ATP7B: variants seen among roughly 807,000 people sequenced by gnomAD.
ATP7B encodes ATPase copper transporting beta.
A neutral mutation model predicts 118.9 loss-of-function variants in ATP7B; 113 were observed. The observed-to-expected ratio is 0.95, with a 90% confidence interval of 0.82 to 1.11. ATP7B has a LOEUF of 1.11. Among genes scored for constraint, ATP7B ranks in the 50% most tolerant of loss-of-function variants. The pLI is 0.00. For synonymous variants in ATP7B, 777 were observed against 727.4 expected, an observed-to-expected ratio of 1.07 and a Z score of -1.10; for missense variants, 1,867 against 1,871.4, an observed-to-expected ratio of 1.00 and a Z score of 0.04.
chr13:51,968,985 T>C (rs1413495434), intron 3 of ATP7B, among the ~76,000 whole-genome samples: 1 of 151,202 alleles, frequency 6.6e-6, no homozygotes, highest in African/African-American at 2.4e-5. Context: ...CTCAGCCTCC[T>C]GAGTAGCTGG....
chr13:51,934,606 G>T lies in ATP7B; in HGVS notation c.*150C>A. On this transcript the variant is annotated 3_prime_UTR_variant, in exon 21 of 21. Transcript: ENST00000242839. Reference sequence around the variant, plus strand: ...AGCCCAGCTGCACCCAGACAAGGCCGCGTGCTGCAGGGCAGGATGACTGGA... The same window carrying T: ...AGCCCAGCTGCACCCAGACAAGGCCTCGTGCTGCAGGGCAGGATGACTGGA... The T allele has an allele frequency of 6.9e-6, 9 of 1,301,726 alleles. No homozygotes were observed. The highest frequency in any genetic ancestry group is 9.6e-6 in the Non-Finnish European group (9 of 938,430). The allele number at this position is 1,301,726 out of a possible 1,614,324, so 80.6% of individuals were successfully genotyped here.
chr13:51,964,453 A>T (rs1278506924), intron 5 of ATP7B, among the ~76,000 whole-genome samples: 1 of 152,202 alleles, frequency 6.6e-6, no homozygotes, highest in Non-Finnish European at 1.5e-5. Flanking sequence ...TCTCCACAAC[A>T]AGAGTGGCCT....
chr13:51,962,361 G>C (rs993516978), intron 5 of ATP7B, among the ~76,000 whole-genome samples: 2 of 152,204 alleles, frequency 1.3e-5, no homozygotes, highest in Admixed American at 6.5e-5. Context: ...GGCTCCTTCA[G>C]CATTTGGAAG....
chr13:51,935,455 C>A, intron 20 of ATP7B, 138 bp downstream of exon 20: 2 of 943,366 alleles, frequency 2.1e-6, no homozygotes, highest in Non-Finnish European at 1.7e-6. Context: ...GCACACCAGG[C>A]TCCATGTGGG....
intron 1 of ATP7B, among the ~76,000 whole-genome samples, chr13:52,000,919 C>T (rs1267289480): frequency 6.6e-6 from 1 of 152,160 alleles, no homozygotes; most frequent in Non-Finnish European, 1.5e-5. Flanking sequence ...ACTCAGAAGG[C>T]TGAGGTGGGA....
chr13:51,982,000 T>C (rs546256782), intron 1 of ATP7B, among the ~76,000 whole-genome samples: 1 of 139,686 alleles, frequency 7.2e-6, no homozygotes, highest in East Asian at 2.2e-4. Context: ...TTTTTTTGGG[T>C]GTGAATTTTT....
chr13:51,934,959 G>A lies in ATP7B; in HGVS notation c.4195C>T (p.Gln1399Ter), dbSNP rs2138407151. The change falls in exon 21 of 21, where the codon CAG (glutamine) becomes TAG (stop). Residue 1399 changes from glutamine to a stop codon, truncating the protein, a stop_gained. Coordinates refer to ENST00000242839, the MANE Select transcript of ATP7B (RefSeq NM_000053.4). LOFTEE classifies it high-confidence loss of function. ...TCCATGCCTATGTGCACACTGACCT[G>A]GGATGCCGTCAGGGGCTTCATGTGG... is the stretch of plus-strand genomic sequence containing the variant. ...HGHMKPLTAS[Q>*]VSVHIGMDDR... is the part of the protein sequence containing the mutation. The A allele has an allele frequency of 6.2e-7, 1 of 1,614,076 alleles. No individual in the cohort carries two copies. The highest frequency in any genetic ancestry group is 1.7e-5 in the Admixed American group (1 of 60,030).
At chr13:51,935,077 C>T (rs1566431810) in intron 20 of ATP7B, 48 bp from the exon 21 acceptor site, 1 of 1,264,540 alleles carries the variant, frequency 7.9e-7, no homozygotes, top group East Asian at 2.9e-5. Context: ...AGAAACAAGG[C>T]TTTTTTTTTT....
At chr13:51,983,912 C>A (rs375660701) in intron 1 of ATP7B, among the ~76,000 whole-genome samples, 3 of 152,164 alleles carry the variant, frequency 2.0e-5, no homozygotes, top group East Asian at 3.9e-4. Flanking sequence ...CGAAGGTCAC[C>A]AACATCAAAA....
In ATP7B at chr13:51,937,139, GA is replaced by G. The variant is rs57778802; in HGVS notation, c.4021+136del. 46,566 of 609,276 alleles carry G rather than the reference GA, an allele frequency of 0.076. 84 individuals carry two copies. Among genetic ancestry groups the G allele is most frequent in the African/African-American group, 0.085 (4,249 of 49,792 alleles). The allele number at this position is 609,276 out of a possible 1,614,324, so 37.7% of individuals were successfully genotyped here. On this transcript the variant is annotated intron_variant, in intron 19 of 20. Transcript: ENST00000242839. Reference sequence around the variant, plus strand: ...TAAAGACATATAAAGCAGGGGACATGAAAAAAAAAAAAAAACAGCCTTTCTA... The same window carrying G: ...TAAAGACATATAAAGCAGGGGACATGAAAAAAAAAAAAAACAGCCTTTCTA...
At chr13:51,997,060 T>A (rs750979393) in intron 1 of ATP7B, among the ~76,000 whole-genome samples, 6 of 152,224 alleles carry the variant, frequency 3.9e-5, no homozygotes, top group Non-Finnish European at 8.8e-5. Flanking sequence ...TGGGAGCCCA[T>A]GTAAATACAT....
intron 6 of ATP7B, among the ~76,000 whole-genome samples, chr13:51,960,577 G>T (rs1464093912): frequency 6.6e-6 from 1 of 152,118 alleles, no homozygotes; most frequent in Admixed American, 6.5e-5. Context: ...ACATACTGTG[G>T]TTACCTCCAA....
chr13:51,934,957 C>T lies in ATP7B; in HGVS notation c.4197G>A (p.Gln1399=). 1.2e-6 allele frequency: 2 copies of T among 1,614,098 alleles called. No homozygotes were observed. The highest frequency in any genetic ancestry group is 1.7e-6 in the Non-Finnish European group (2 of 1,180,044). Reference sequence around the variant, plus strand: ...CATCCATGCCTATGTGCACACTGACCTGGGATGCCGTCAGGGGCTTCATGT... The same window carrying T: ...CATCCATGCCTATGTGCACACTGACTTGGGATGCCGTCAGGGGCTTCATGT... ...HGHMKPLTAS[Q]VSVHIGMDDR... The change falls in exon 21 of 21, where the codon CAG becomes CAA. Residue 1399 remains glutamine, a synonymous_variant. Coordinates refer to ENST00000242839, the MANE Select transcript of ATP7B (RefSeq NM_000053.4).
At chr13:51,938,995 T>C in intron 17 of ATP7B, 56 bp downstream of exon 17, 1 of 1,614,054 alleles carries the variant, frequency 6.2e-7, no homozygotes, top group Non-Finnish European at 8.5e-7. Flanking sequence ...GTGCTTACTT[T>C]TGTCTCTAAC....
Position 51,976,228 on chromosome 13 carries a change from C to T in ATP7B, c.52-1060G>A, listed in dbSNP as rs938323591. On this transcript the variant is annotated intron_variant, in intron 1 of 20. Transcript: ENST00000242839. ...TCATAAAAAAGCACATTTCTCTCTA[C>T]TTGTACACAATCCTGCTTGTCTTCA... Among the ~76,000 whole-genome samples the T allele has an allele frequency of 3.9e-5, 6 of 152,194 alleles. No individual in the cohort carries two copies. In the East Asian group the frequency reaches 1.2e-3, roughly 29 times the overall value.
At chr13:51,996,571 G>T (rs1749987953) in intron 1 of ATP7B, among the ~76,000 whole-genome samples, 3 of 152,152 alleles carry the variant, frequency 2.0e-5, no homozygotes, top group Admixed American at 2.0e-4. Context: ...ACCAGCAGGG[G>T]GTCACTAAGG....
Position 51,937,656 on chromosome 13 carries a change from TG to T in ATP7B, c.3722del (p.Ala1241GlufsTer89). On this transcript the variant is annotated frameshift_variant, in exon 18 of 21. Transcript: ENST00000242839. LOFTEE classifies it high-confidence loss of function. ...ATQVGINKVF[A>X]EVLPSHKVAK... ...CCACCTTGTGCGAAGGCAGCACCTC[TG>T]CAAAGACTTTGTTGATGCCAACCTA... 6.2e-7 allele frequency: 1 copy of T among 1,614,278 alleles called. No homozygotes were observed. The highest frequency in any genetic ancestry group is 8.5e-7 in the Non-Finnish European group (1 of 1,180,056).
chr13:51,995,873 C>G (rs1276389690), intron 1 of ATP7B, among the ~76,000 whole-genome samples: 1 of 152,214 alleles, frequency 6.6e-6, no homozygotes, highest in African/African-American at 2.4e-5. Flanking sequence ...ACACCCTCAC[C>G]CAGTGCACAC....
chr13:51,939,057 G>GA lies in ATP7B; in HGVS notation c.3692_3693insT (p.Thr1232HisfsTer27). On this transcript the variant is annotated frameshift_variant, in exon 17 of 21. Coordinates refer to ENST00000242839, the MANE Select transcript of ATP7B (RefSeq NM_000053.4). LOFTEE classifies it high-confidence loss of function. The stretch of plus-strand genomic sequence containing the variant: ...CAACATTAAAGGGCTGTACCTGGGT[G>GA]GCAATAGCTCTGGCTGTCTTCCGGT... 3 of 1,614,236 alleles carry GA rather than the reference G, an allele frequency of 1.9e-6. No homozygotes were observed. Among genetic ancestry groups the GA allele is most frequent in the Non-Finnish European group, 2.5e-6 (3 of 1,180,040 alleles).
Sources: gnomAD v4.1 joint callset for allele counts (sites outside exome capture counted in the v4.1 genomes callset) on GRCh38, gnomAD v4.1.1 for gene constraint, MANE v1.5 for transcripts, NCBI Gene and HGNC (gene_info 2026-07-23, HGNC 2026-07-21) for gene names.